Variants in PTPN2 observed in about 807,000 individuals in gnomAD.
PTPN2 encodes the protein tyrosine-protein phosphatase non-receptor type 2.
In PTPN2, 19 loss-of-function variants were observed where a neutral mutation model predicts 57.3. The ratio of observed to expected loss-of-function variants is 0.33; its 90% CI spans 0.23 to 0.49. PTPN2 has a LOEUF of 0.49. PTPN2 is among the 20% of genes least tolerant of loss of function. PTPN2 has a pLI of 0.99. For missense variants in PTPN2, 358 were observed against 501.1 expected (o/e 0.71, Z 2.73); for synonymous variants, 153 against 164.9 (o/e 0.93, Z 0.55).
At chr18:12,883,845 CCATGAGCTGCTCAGCT>C (rs895033336) in intron 1 of PTPN2, 2 of 438,148 alleles carry the variant, frequency 4.6e-6, no homozygotes, top group East Asian at 7.5e-5. Flanking sequence ...CTTGCGCTAA[CCATGAGCTGCTCAGCT>C]CAAGTATGCT....
intron 2 of PTPN2, chr18:12,840,629 GTCAC>G: frequency 1.4e-6 from 2 of 1,448,660 alleles, no homozygotes; most frequent in South Asian, 1.2e-5. Context: ...CCATCGCACT[GTCAC>G]TCAGGGAAGT....
Position 12,884,182 on chromosome 18 carries a change from C to G in PTPN2, c.-41G>C. ...CTGGCGCGAGCAGAGCCTGCGCCGG[C>G]GGAGAGGCTCAGGCCCCGCACGATC... On this transcript the variant is annotated 5_prime_UTR_variant, in exon 1 of 9. Coordinates refer to ENST00000309660, the MANE Select transcript of PTPN2 (RefSeq NM_002828.4). The G allele has an allele frequency of 6.5e-7, 1 of 1,526,758 alleles. No homozygotes were observed. The highest frequency in any genetic ancestry group is 8.8e-7 in the Non-Finnish European group (1 of 1,130,572). The allele number at this position is 1,526,758 out of a possible 1,614,324, so 94.6% of individuals were successfully genotyped here.
chr18:12,846,414 A>T (rs1046909246), intron 2 of PTPN2, among the ~76,000 whole-genome samples: 1 of 152,130 alleles, frequency 6.6e-6, no homozygotes, highest in Non-Finnish European at 1.5e-5. Context: ...TTATGTATTC[A>T]TTTGTTTCTT....
chr18:12,819,831 C>A (rs1193739744), intron 5 of PTPN2, among the ~76,000 whole-genome samples: 1 of 151,962 alleles, frequency 6.6e-6, no homozygotes, highest in Non-Finnish European at 1.5e-5. Context: ...GGGGGGGATA[C>A]AGTTAACTCA....
intron 8 of PTPN2, among the ~76,000 whole-genome samples, chr18:12,801,255 G>A (rs563069395): frequency 2.5e-4 from 38 of 152,346 alleles, no homozygotes; most frequent in Admixed American, 8.5e-4. Flanking sequence ...GCTCACGCCT[G>A]TAATCCCAGC....
chr18:12,785,611 CTT>C (rs1403876684), exon 10 of PTPN2: 4 of 615,182 alleles, frequency 6.5e-6, no homozygotes, highest in African/African-American at 3.7e-5. Context: ...ATTAAAAACA[CTT>C]AACACATCCA....
chr18:12,808,574 A>C (rs1026409044), intron 7 of PTPN2, among the ~76,000 whole-genome samples: 24 of 152,170 alleles, frequency 1.6e-4, no homozygotes, highest in African/African-American at 5.8e-4. Flanking sequence ...AGGTCAGGAG[A>C]TCGAGACCAT....
chr18:12,852,013 A>G (rs1474280469), intron 2 of PTPN2, among the ~76,000 whole-genome samples: 1 of 152,222 alleles, frequency 6.6e-6, no homozygotes, highest in African/African-American at 2.4e-5. Context: ...ATAGAAACAG[A>G]AAGCAGAATG....
intron 1 of PTPN2, 59 bp from the exon 2 acceptor site, chr18:12,859,313 T>C (rs2043706903): frequency 6.7e-6 from 8 of 1,187,122 alleles, no homozygotes; most frequent in Admixed American, 2.0e-5. Context: ...GCAAAACTTA[T>C]CTTCCCAGCC....
downstream of PTPN2, among the ~76,000 whole-genome samples, chr18:12,788,432 CTTTT>C (rs71174142): frequency 8.9e-5 from 8 of 90,110 alleles, no homozygotes; most frequent in East Asian, 2.0e-3. Context: ...GGGATCAGGG[CTTTT>C]TTTTTTTTTT....
At chr18:12,810,586 T>C (rs1399556365) in intron 7 of PTPN2, among the ~76,000 whole-genome samples, 2 of 152,166 alleles carry the variant, frequency 1.3e-5, no homozygotes, top group East Asian at 1.9e-4. Context: ...GCTGGGACTA[T>C]AGGAGAGAAC....
downstream of PTPN2, among the ~76,000 whole-genome samples, chr18:12,790,938 A>C (rs75477537): frequency 0.15 from 22,233 of 152,146 alleles, 1,765 homozygotes; most frequent in African/African-American, 0.19. Context: ...AAAAGGACCA[A>C]AAGACAGAAA....
At chr18:12,853,168 TAG>T (rs2043454574) in intron 2 of PTPN2, among the ~76,000 whole-genome samples, 1 of 152,220 alleles carries the variant, frequency 6.6e-6, no homozygotes, top group Non-Finnish European at 1.5e-5. Context: ...AAAAATTTTT[TAG>T]AGACAGTCTT....
At chr18:12,789,209 G>C (rs2040919377), downstream of PTPN2, among the ~76,000 whole-genome samples, 1 of 152,160 alleles carries the variant, frequency 6.6e-6, no homozygotes, top group African/African-American at 2.4e-5. Context: ...TGGGATTACA[G>C]GAGTGAGTTA....
At chr18:12,873,786 C>T (rs1175408717) in intron 1 of PTPN2, among the ~76,000 whole-genome samples, 2 of 152,080 alleles carry the variant, frequency 1.3e-5, no homozygotes, top group African/African-American at 4.8e-5. Context: ...GCCTGGCTGC[C>T]CAGTCTGGAA....
At chr18:12,799,466 T>A (rs192636927) in intron 8 of PTPN2, among the ~76,000 whole-genome samples, 3 of 152,108 alleles carry the variant, frequency 2.0e-5, no homozygotes, top group Admixed American at 2.0e-4. Context: ...TTGATAAGAC[T>A]TTTATGAGGA....
chr18:12,883,778 C>T (rs9961827), intron 1 of PTPN2: 29,457 of 286,398 alleles, frequency 0.1, 3,348 homozygotes, highest in African/African-American at 0.34. Flanking sequence ...ACGCTGGTGG[C>T]GCATCCACGC....
intron 2 of PTPN2, among the ~76,000 whole-genome samples, chr18:12,844,236 T>C (rs570307593): frequency 1.3e-5 from 2 of 152,364 alleles, no homozygotes; most frequent in African/African-American, 2.4e-5. Flanking sequence ...AAAGCTGCTG[T>C]GAATATTCAT....
At chr18:12,841,075 T>G in intron 2 of PTPN2, 1 of 1,119,792 alleles carries the variant, frequency 8.9e-7, no homozygotes, top group Non-Finnish European at 1.2e-6. Context: ...GAAATTATAT[T>G]AAGCCGTGAC....
Sources: gnomAD v4.1 joint callset for allele counts (sites outside exome capture counted in the v4.1 genomes callset) on GRCh38, gnomAD v4.1.1 for gene constraint, MANE v1.5 for transcripts, NCBI Gene and HGNC (gene_info 2026-07-23, HGNC 2026-07-21) for gene names.